Variants in ADGRB3 observed in about 807,000 individuals in gnomAD.
The protein encoded by ADGRB3 is brain-specific angiogenesis inhibitor 3.
Under a neutral mutation model 193.4 loss-of-function variants are expected in ADGRB3, and 37 were observed. The ratio of observed to expected loss-of-function variants is 0.19; its 90% CI spans 0.15 to 0.25. The LOEUF (loss-of-function observed/expected upper bound fraction) is 0.25. Among genes scored for constraint, ADGRB3 ranks in the 10% least tolerant of loss-of-function variants. The probability of loss-of-function intolerance (pLI) is 1.00; values close to 1 mark genes in which losing one functional copy is unlikely to be tolerated. For synonymous variants in ADGRB3, 690 were observed against 644.2 expected (o/e 1.07, Z -1.08); for missense variants, 1,637 against 1,852.9 (o/e 0.88, Z 2.14).
chr6:69,209,086 A>G (rs1360298455), intron 17 of ADGRB3, among the ~76,000 whole-genome samples: 1 of 152,198 alleles, frequency 6.6e-6, no homozygotes, highest in Non-Finnish European at 1.5e-5. Flanking sequence ...CAGCATCCCT[A>G]TCTGCCACTG....
chr6:68,882,493 T>C (rs1765759936), intron 3 of ADGRB3, among the ~76,000 whole-genome samples: 1 of 152,222 alleles, frequency 6.6e-6, no homozygotes, highest in Non-Finnish European at 1.5e-5. Context: ...GTTTTGATTT[T>C]TTTAATTATC....
At chr6:69,181,986 A>G (rs1775596394) in intron 17 of ADGRB3, among the ~76,000 whole-genome samples, 1 of 152,204 alleles carries the variant, frequency 6.6e-6, no homozygotes, top group Non-Finnish European at 1.5e-5. Flanking sequence ...AGTTCCAATG[A>G]GAGGACCTTT....
At chr6:69,161,470 A>G (rs1404216449) in intron 17 of ADGRB3, among the ~76,000 whole-genome samples, 2 of 152,104 alleles carry the variant, frequency 1.3e-5, no homozygotes, top group African/African-American at 4.8e-5. Flanking sequence ...AGAATTGCCT[A>G]GGAGACTTGT....
At chr6:68,862,346 C>A (rs1261037311) in intron 3 of ADGRB3, among the ~76,000 whole-genome samples, 1 of 152,160 alleles carries the variant, frequency 6.6e-6, no homozygotes, top group Non-Finnish European at 1.5e-5. Context: ...ACATTGGTAT[C>A]TGCAATCTAT....
At chr6:68,661,463 G>A (rs1768643109) in intron 3 of ADGRB3, among the ~76,000 whole-genome samples, 1 of 123,612 alleles carries the variant, frequency 8.1e-6, no homozygotes, top group South Asian at 2.6e-4. Flanking sequence ...ATATATATGT[G>A]TGTATATATA....
intron 3 of ADGRB3, among the ~76,000 whole-genome samples, chr6:68,830,455 A>G (rs1183995979): frequency 6.6e-6 from 1 of 152,172 alleles, no homozygotes; most frequent in Middle Eastern, 3.2e-3. Context: ...TCTATATATT[A>G]TTTGCATTCA....
chr6:69,180,901 C>T (rs1240580071), intron 17 of ADGRB3, among the ~76,000 whole-genome samples: 2 of 152,192 alleles, frequency 1.3e-5, no homozygotes, highest in Non-Finnish European at 2.9e-5. Flanking sequence ...TGGCGTCCTG[C>T]TCTTGCTCCT....
chr6:68,885,124 G>A (rs548651358), intron 3 of ADGRB3, among the ~76,000 whole-genome samples: 1 of 152,224 alleles, frequency 6.6e-6, no homozygotes, highest in East Asian at 1.9e-4. Flanking sequence ...TTGGTCAGAG[G>A]TCCCCAGTGG....
chr6:69,375,051 G>GT (rs1769785136), intron 30 of ADGRB3, among the ~76,000 whole-genome samples: 1 of 152,058 alleles, frequency 6.6e-6, no homozygotes, highest in South Asian at 2.1e-4. Context: ...GAAACAACAG[G>GT]TAAGTCAAAA....
At chr6:69,377,941 T>A (rs1413048640) in intron 30 of ADGRB3, among the ~76,000 whole-genome samples, 4 of 152,084 alleles carry the variant, frequency 2.6e-5, no homozygotes, top group African/African-American at 9.7e-5. Context: ...AAATGAGCCA[T>A]TCTTCCAGCG....
At position 69,320,825 on chromosome 6, in the gene ADGRB3, A is replaced by ATGTGTG. The variant is rs5877204; in HGVS notation, c.2815-4023_2815-4018dup. On this transcript the variant is annotated intron_variant, in intron 20 of 31. Transcript: ENST00000370598. The stretch of plus-strand genomic sequence containing the variant: ...AGTATATGTGCTTGTGCATGTGTGT[A>ATGTGTG]TGTGTGTGTGTGTGTGTGTGTGTGT... Among the ~76,000 whole-genome samples the ATGTGTG allele has an allele frequency of 3.6e-3, 520 of 146,350 alleles. 1 individual carries two copies. The highest frequency in any genetic ancestry group is 9.2e-3 in the African/African-American group (371 of 40,138).
At position 69,291,218 on chromosome 6, in the gene ADGRB3, A is replaced by G. The variant is rs151003091; in HGVS notation, c.2815-33654A>G. ...ACCTTCATATAATTCTCGGAATTCC[A>G]ATAATGCTCACTTTATTATTATTAC... On this transcript the variant is annotated intron_variant, in intron 20 of 31. Coordinates refer to ENST00000370598, the MANE Select transcript of ADGRB3 (RefSeq NM_001704.3). Among the ~76,000 whole-genome samples the G allele has an allele frequency of 1.8e-4, 27 of 152,274 alleles. No homozygotes were observed. In the East Asian group the frequency reaches 4.4e-3, roughly 25 times the overall value.
At chr6:68,934,652 G>C (rs192987061) in intron 4 of ADGRB3, among the ~76,000 whole-genome samples, 128 of 152,094 alleles carry the variant, frequency 8.4e-4, no homozygotes, top group African/African-American at 2.9e-3. Flanking sequence ...ATTTTAAAAA[G>C]TGTATTATAT....
intron 3 of ADGRB3, among the ~76,000 whole-genome samples, chr6:68,667,036 T>A (rs147832961): frequency 8.2e-4 from 125 of 151,986 alleles, no homozygotes; most frequent in African/African-American, 2.6e-3. Context: ...AATGGATTAC[T>A]GTATAGTCAA....
At chr6:68,822,732 C>T (rs919980680) in intron 3 of ADGRB3, among the ~76,000 whole-genome samples, 16 of 151,880 alleles carry the variant, frequency 1.1e-4, no homozygotes, top group African/African-American at 3.9e-4. Flanking sequence ...GCTTCAGAAA[C>T]TCTGTAGTGA....
chr6:68,838,505 C>T (rs920387018), intron 3 of ADGRB3, among the ~76,000 whole-genome samples: 1 of 152,142 alleles, frequency 6.6e-6, no homozygotes. Context: ...TCCACCATTG[C>T]GTCATTTTTC....
At chr6:69,310,834 G>A (rs1270963729) in intron 20 of ADGRB3, among the ~76,000 whole-genome samples, 1 of 151,598 alleles carries the variant, frequency 6.6e-6, no homozygotes, top group Non-Finnish European at 1.5e-5. Context: ...AGTTTTTCTG[G>A]ACTGAGCTAT....
intron 26 of ADGRB3, among the ~76,000 whole-genome samples, chr6:69,347,074 G>T (rs1582647348): frequency 6.6e-6 from 1 of 152,258 alleles, no homozygotes; most frequent in East Asian, 1.9e-4. Context: ...GGATGAAGCT[G>T]GAAACCATCA....
Position 68,816,447 on chromosome 6 carries a change from A to G in ADGRB3, c.758-114112A>G, listed in dbSNP as rs183827903. Among the ~76,000 whole-genome samples, 6 of 152,152 alleles carry G rather than the reference A, an allele frequency of 3.9e-5. No homozygotes were observed. In the East Asian group the frequency reaches 1.2e-3, roughly 29 times the overall value. On this transcript the variant is annotated intron_variant, in intron 3 of 31. Transcript: ENST00000370598. ...AAAAATAATTTCTGCAATATTAATG[A>G]CAACTAGATTAAAGAGAAGAGCTTT...
Sources: allele counts gnomAD v4.1 joint callset (sites outside exome capture counted in the v4.1 genomes callset), GRCh38; gene constraint gnomAD v4.1.1; transcripts MANE v1.5; gene names NCBI Gene and HGNC (gene_info 2026-07-23, HGNC 2026-07-21).